The following PCBD2 variants were observed in gnomAD, a reference collection of about 807,000 sequenced individuals.
PCBD2 encodes the protein pterin-4-alpha-carbinolamine dehydratase 2.
A neutral mutation model predicts 16.4 loss-of-function variants in PCBD2; 12 were observed. That is an observed-to-expected ratio of 0.73 (90% CI 0.47 to 1.19). The LOEUF (loss-of-function observed/expected upper bound fraction) is 1.19, where lower values mean the gene tolerates loss of function less well. Among genes scored for constraint, PCBD2 ranks in the 50% most tolerant of loss-of-function variants. The pLI is 0.00. For missense variants in PCBD2, 138 were observed against 156.8 expected, an observed-to-expected ratio of 0.88 and a Z score of 0.64; for synonymous variants, 58 against 61.8, an observed-to-expected ratio of 0.94 and a Z score of 0.29.
intron 2 of PCBD2, among the ~76,000 whole-genome samples, chr5:134,917,811 G>A (rs777643993): frequency 3.9e-5 from 6 of 152,198 alleles, no homozygotes; most frequent in African/African-American, 1.2e-4. Flanking sequence ...TTTGGGGTTC[G>A]TAAAATGTTT....
At chr5:134,951,163 C>T (rs1751355257) in intron 2 of PCBD2, among the ~76,000 whole-genome samples, 1 of 152,192 alleles carries the variant, frequency 6.6e-6, no homozygotes, top group Admixed American at 6.5e-5. Context: ...TTCCCACTCT[C>T]CACTCTCCTC....
rs934146876 is a variant in PCBD2 at position 134,926,615 on chromosome 5, G to T, written c.216+16149G>T. 193 of 396,392 alleles carry T rather than the reference G, an allele frequency of 4.9e-4. 2 individuals carry two copies. Among genetic ancestry groups the T allele is most frequent in the Non-Finnish European group, 1.6e-4 (35 of 224,714 alleles). 24.6% of individuals were successfully genotyped at this position (396,392 alleles called of 1,614,324 possible). A position where few individuals can be genotyped will look rare whatever the true frequency, so the allele number is the denominator to read the frequency against. ...GGTAAATAAGGGGTCGTGAGCCTCT[G>T]TTGTCAGATTCACAATCTGATGTTT... On this transcript the variant is annotated intron_variant, in intron 2 of 3. Coordinates refer to ENST00000254908, the MANE Select transcript of PCBD2 (RefSeq NM_032151.5).
At chr5:134,906,689 C>T (rs1340987441) in intron 1 of PCBD2, among the ~76,000 whole-genome samples, 1 of 152,194 alleles carries the variant, frequency 6.6e-6, no homozygotes, top group East Asian at 1.9e-4. Context: ...ATGCCAGGCT[C>T]AATGCTAGGT....
intron 2 of PCBD2, among the ~76,000 whole-genome samples, chr5:134,913,390 G>T (rs1017995673): frequency 1.3e-5 from 2 of 152,304 alleles, no homozygotes; most frequent in Admixed American, 1.3e-4. Flanking sequence ...AGCACATGGT[G>T]ATCCAAGGGA....
At chr5:134,940,009 AC>A (rs1751206795) in intron 2 of PCBD2, among the ~76,000 whole-genome samples, 2 of 151,712 alleles carry the variant, frequency 1.3e-5, no homozygotes, top group South Asian at 4.2e-4. Flanking sequence ...CGGGAAGAAC[AC>A]CTATCATTGG....
intron 2 of PCBD2, among the ~76,000 whole-genome samples, chr5:134,955,309 GT>G (rs201125597): frequency 0.048 from 6,268 of 130,978 alleles, 192 homozygotes; most frequent in African/African-American, 0.12. Context: ...AGCAACAATG[GT>G]TTTTTTTTTT....
intron 2 of PCBD2, among the ~76,000 whole-genome samples, chr5:134,941,388 A>G (rs953754011): frequency 4.6e-5 from 7 of 152,220 alleles, no homozygotes; most frequent in Admixed American, 2.0e-4. Flanking sequence ...TGGGAGTTGA[A>G]AAAAGGGATT....
rs545790148 is a variant in PCBD2 at position 134,920,940 on chromosome 5, A to G, written c.216+10474A>G. 2.0e-3 allele frequency among the ~76,000 whole-genome samples: 310 copies of G among 152,364 alleles called. 2 individuals are homozygous for G. Among genetic ancestry groups the G allele is most frequent in the Non-Finnish European group, 1.7e-3 (119 of 68,032 alleles). ...CTTGGCCTCCCAAAGTGTTGGGAAT[A>G]CAGGCGTTGAGCCCAGCTGCTGAGG... On this transcript the variant is annotated intron_variant, in intron 2 of 3. Coordinates refer to ENST00000254908, the MANE Select transcript of PCBD2 (RefSeq NM_032151.5).
chr5:134,942,701 ATAT>A (rs1358894582), intron 2 of PCBD2, among the ~76,000 whole-genome samples: 1 of 152,238 alleles, frequency 6.6e-6, no homozygotes, highest in African/African-American at 2.4e-5. Context: ...CTAGATGATA[ATAT>A]TATTAGTTTT....
In PCBD2 at chr5:134,907,388, C is replaced by T. The variant is rs542283390; in HGVS notation, c.84+2165C>T. 2.7e-3 allele frequency among the ~76,000 whole-genome samples: 404 copies of T among 152,194 alleles called. 1 individual carries two copies. The highest frequency in any genetic ancestry group is 6.5e-3 in the Admixed American group (100 of 15,290). ...CCTCCTGAGTAGCTGAGACTATAGGCGCGTGCCACCACGCTTGGCTAATTT... is the reference window on the plus strand; with the variant it reads ...CCTCCTGAGTAGCTGAGACTATAGGTGCGTGCCACCACGCTTGGCTAATTT... On this transcript the variant is annotated intron_variant, in intron 1 of 3. Transcript: ENST00000254908.
intron 2 of PCBD2, among the ~76,000 whole-genome samples, chr5:134,951,277 C>A (rs1276371385): frequency 6.6e-6 from 1 of 152,056 alleles, no homozygotes; most frequent in Non-Finnish European, 1.5e-5. Flanking sequence ...GCTTCATGAA[C>A]TATTGTTATG....
intron 2 of PCBD2, among the ~76,000 whole-genome samples, chr5:134,920,975 A>G (rs1023105764): frequency 1.3e-5 from 2 of 152,150 alleles, no homozygotes; most frequent in Non-Finnish European, 2.9e-5. Context: ...GCTTTTTGCT[A>G]TATCATACAT....
At chr5:134,942,325 G>C (rs1006626192) in intron 2 of PCBD2, among the ~76,000 whole-genome samples, 8 of 152,092 alleles carry the variant, frequency 5.3e-5, no homozygotes, top group African/African-American at 1.9e-4. Context: ...TGAGGTGCGT[G>C]ACTTTGGGCA....
intron 2 of PCBD2, among the ~76,000 whole-genome samples, chr5:134,943,853 G>A (rs572606968): frequency 6.6e-6 from 1 of 152,282 alleles, no homozygotes; most frequent in South Asian, 2.1e-4. Context: ...ATCTTTATGA[G>A]CAAAGATAAT....
At chr5:134,938,606 G>A (rs1156817155) in intron 2 of PCBD2, among the ~76,000 whole-genome samples, 1 of 152,170 alleles carries the variant, frequency 6.6e-6, no homozygotes, top group Non-Finnish European at 1.5e-5. Flanking sequence ...ACTTAGAATG[G>A]AAATTAACCT....
chr5:134,951,204 A>G (rs962700841), intron 2 of PCBD2, among the ~76,000 whole-genome samples: 21 of 152,310 alleles, frequency 1.4e-4, no homozygotes, highest in Admixed American at 1.2e-3. Flanking sequence ...TCATTCTTGT[A>G]TATCCTTCCA....
intron 2 of PCBD2, among the ~76,000 whole-genome samples, chr5:134,915,754 A>G (rs1036344876): frequency 2.6e-5 from 4 of 151,992 alleles, no homozygotes; most frequent in African/African-American, 9.7e-5. Context: ...CCAGGCCTCT[A>G]ATTTTTTATT....
intron 2 of PCBD2, chr5:134,927,310 T>C: frequency 2.5e-6 from 1 of 398,494 alleles, no homozygotes; most frequent in Middle Eastern, 6.3e-4. Context: ...AGGCGTATTA[T>C]ACCATAGCCG....
chr5:134,908,940 A>G (rs1352495803), intron 1 of PCBD2: 1 of 152,136 alleles, frequency 6.6e-6, no homozygotes, highest in Non-Finnish European at 1.5e-5. Flanking sequence ...AGCCTTCACT[A>G]ATGTTCATCT....
Sources: gnomAD v4.1 joint callset for allele counts (sites outside exome capture counted in the v4.1 genomes callset) on GRCh38, gnomAD v4.1.1 for gene constraint, MANE v1.5 for transcripts, NCBI Gene and HGNC (gene_info 2026-07-23, HGNC 2026-07-21) for gene names.